KCNIP4: variants seen among roughly 807,000 people sequenced by gnomAD.
The protein encoded by KCNIP4 is Kv channel-interacting protein 4.
A neutral mutation model predicts 34.0 loss-of-function variants in KCNIP4; 12 were observed. The observed-to-expected ratio is 0.35, with a 90% CI of 0.23 to 0.57. The LOEUF (loss-of-function observed/expected upper bound fraction) is 0.57, where lower values mean the gene tolerates loss of function less well. Among genes scored for constraint, KCNIP4 ranks in the 20% least tolerant of loss-of-function variants. The probability of loss-of-function intolerance (pLI) is 0.83; values close to 1 mark genes in which losing one functional copy is unlikely to be tolerated. For missense variants in KCNIP4, 238 were observed against 311.7 expected (o/e 0.76, Z 1.78); for synonymous variants, 124 against 102.2 (o/e 1.21, Z -1.29).
At chr4:21,032,307 T>TG (rs1577567749) in intron 1 of KCNIP4, among the ~76,000 whole-genome samples, 2 of 152,206 alleles carry the variant, frequency 1.3e-5, no homozygotes, top group East Asian at 3.9e-4. Context: ...CAATACCCAA[T>TG]GGGGGTGTTG....
chr4:21,741,266 A>G (rs1716383728), intron 1 of KCNIP4, among the ~76,000 whole-genome samples: 1 of 152,204 alleles, frequency 6.6e-6, no homozygotes, highest in Non-Finnish European at 1.5e-5. Flanking sequence ...CTAGGTTTCT[A>G]TGAAATAAGT....
chr4:21,498,703 C>T (rs1455325980), intron 1 of KCNIP4, among the ~76,000 whole-genome samples: 1 of 152,112 alleles, frequency 6.6e-6, no homozygotes, highest in East Asian at 1.9e-4. Context: ...CTTGTTACAA[C>T]AACTTGAAGG....
chr4:21,855,504 T>C (rs549048478), intron 1 of KCNIP4, among the ~76,000 whole-genome samples: 1 of 152,338 alleles, frequency 6.6e-6, no homozygotes, highest in South Asian at 2.1e-4. Flanking sequence ...GCAGGAGTGG[T>C]GTCTGCACTT....
chr4:20,755,026 A>G (rs1754265764), intron 4 of KCNIP4, among the ~76,000 whole-genome samples: 1 of 152,202 alleles, frequency 6.6e-6, no homozygotes. Context: ...AATTCCCCAA[A>G]TTAATCTCTC....
intron 1 of KCNIP4, among the ~76,000 whole-genome samples, chr4:21,714,633 A>G (rs1487739456): frequency 6.6e-6 from 1 of 151,966 alleles, no homozygotes; most frequent in African/African-American, 2.4e-5. Context: ...GTAGGTTTAT[A>G]AGAAACACCT....
intron 1 of KCNIP4, among the ~76,000 whole-genome samples, chr4:21,695,951 T>C (rs376602167): frequency 6.6e-6 from 1 of 151,956 alleles, no homozygotes; most frequent in Admixed American, 6.6e-5. Flanking sequence ...AAAGTCATAG[T>C]GATGGGACTA....
intron 3 of KCNIP4, among the ~76,000 whole-genome samples, chr4:20,762,951 C>G (rs1030951640): frequency 3.4e-4 from 25 of 73,188 alleles, no homozygotes; most frequent in Admixed American, 1.4e-3. Context: ...CTTCACAAGG[C>G]AGCAAGAAAG....
intron 1 of KCNIP4, among the ~76,000 whole-genome samples, chr4:21,323,047 GGTGATGAATTGATGAA>G (rs1053538192): frequency 6.6e-6 from 1 of 151,444 alleles, no homozygotes; most frequent in African/African-American, 2.4e-5. Context: ...AATGACTTCT[GGTGATGAATTGATGAA>G]GTGTTGCCAA....
rs1359451102 is a variant in KCNIP4 at position 21,054,107 on chromosome 4, T to C, written c.62-171398A>G. 2.6e-5 allele frequency among the ~76,000 whole-genome samples: 4 copies of C among 152,062 alleles called. No homozygotes were observed. The South Asian group carries it at 6.2e-4, about 24-fold the overall frequency. Reference sequence around the variant, plus strand: ...ACAAAATGTCAATATTACGTAGATATTGACAAAAGTTTATATGGAGAGGCA... The same window carrying C: ...ACAAAATGTCAATATTACGTAGATACTGACAAAAGTTTATATGGAGAGGCA... On this transcript the variant is annotated intron_variant, in intron 1 of 8. Coordinates refer to ENST00000382152, the MANE Select transcript of KCNIP4 (RefSeq NM_025221.6).
intron 1 of KCNIP4, among the ~76,000 whole-genome samples, chr4:21,528,780 GAAGAAAGGAAGAAAGGAAGA>G (rs1560490257): frequency 0.049 from 530 of 10,710 alleles, 56 homozygotes; most frequent in Middle Eastern, 0.11. Flanking sequence ...AGAAAGAAAG[GAAGAAAGGAAGAAAGGAAGA>G]AAGGAAGGAA....
chr4:21,458,626 C>T (rs1414132154), intron 1 of KCNIP4, among the ~76,000 whole-genome samples: 3 of 151,978 alleles, frequency 2.0e-5, no homozygotes, highest in Non-Finnish European at 4.4e-5. Flanking sequence ...GATGACAGGT[C>T]TCACATTAAC....
At chr4:20,963,568 A>T (rs936617139) in intron 1 of KCNIP4, among the ~76,000 whole-genome samples, 6 of 152,194 alleles carry the variant, frequency 3.9e-5, no homozygotes, top group African/African-American at 1.4e-4. Flanking sequence ...ATTAAAAAAA[A>T]AGTAGTGCAT....
chr4:21,613,685 T>A (rs1744347187), intron 1 of KCNIP4: 1 of 152,250 alleles, frequency 6.6e-6, no homozygotes, highest in Non-Finnish European at 1.5e-5. Flanking sequence ...TCCCTTCATG[T>A]TGTCCAGGTA....
chr4:21,736,741 A>T (rs961418357), intron 1 of KCNIP4, among the ~76,000 whole-genome samples: 1 of 152,174 alleles, frequency 6.6e-6, no homozygotes, highest in African/African-American at 2.4e-5. Flanking sequence ...ATGACATTAT[A>T]AATAATTTTA....
intron 1 of KCNIP4, among the ~76,000 whole-genome samples, chr4:20,976,379 C>T (rs1043787769): frequency 1.3e-5 from 2 of 152,120 alleles, no homozygotes; most frequent in Admixed American, 6.5e-5. Context: ...TGTTTCAACA[C>T]AATTACAAGA....
At chr4:21,154,235 C>G (rs1752978881) in intron 1 of KCNIP4, among the ~76,000 whole-genome samples, 1 of 152,126 alleles carries the variant, frequency 6.6e-6, no homozygotes, top group South Asian at 2.1e-4. Context: ...GATGGATACC[C>G]CAGTTACCCA....
At chr4:21,834,753 T>C (rs1197960998) in intron 1 of KCNIP4, among the ~76,000 whole-genome samples, 2 of 151,710 alleles carry the variant, frequency 1.3e-5, no homozygotes, top group Non-Finnish European at 2.9e-5. Context: ...TCTTATTATT[T>C]TGAAATATGT....
intron 1 of KCNIP4, among the ~76,000 whole-genome samples, chr4:21,061,347 A>G (rs978073290): frequency 1.3e-5 from 2 of 152,150 alleles, no homozygotes; most frequent in Admixed American, 1.3e-4. Context: ...TGGAGAAGAA[A>G]AGAAACAAAA....
At chr4:20,730,618 A>AATC (rs1419043277) in intron 8 of KCNIP4, among the ~76,000 whole-genome samples, 1 of 152,184 alleles carries the variant, frequency 6.6e-6, no homozygotes, top group African/African-American at 2.4e-5. Context: ...TGTTTGCAGT[A>AATC]ATCATCTCTC....
Sources: allele counts gnomAD v4.1 joint callset (sites outside exome capture counted in the v4.1 genomes callset), GRCh38; gene constraint gnomAD v4.1.1; transcripts MANE v1.5; gene names NCBI Gene and HGNC (gene_info 2026-07-23, HGNC 2026-07-21).